Variants in PFKP observed in about 807,000 individuals in gnomAD.
PFKP encodes phosphofructokinase, platelet.
PFKP carries 101 observed loss-of-function variants against 94.3 expected under a neutral mutation model. The ratio of observed to expected loss-of-function variants is 1.07; its 90% CI spans 0.91 to 1.26. PFKP has a LOEUF of 1.26. PFKP is among the 50% of genes most tolerant of loss of function. PFKP has a pLI of 0.00. For missense variants in PFKP, 1,145 were observed against 1,103.3 expected (o/e 1.04, Z -0.53); for synonymous variants, 573 against 432.6 (o/e 1.32, Z -4.03).
chr10:3,120,456 A>G (rs551162480), intron 16 of PFKP, among the ~76,000 whole-genome samples: 46 of 152,114 alleles, frequency 3.0e-4, no homozygotes, highest in African/African-American at 8.4e-4. Context: ...CCCTGCCTTG[A>G]TGCTGAGGGT....
chr10:3,132,884 A>G (rs1396072986), intron 18 of PFKP, among the ~76,000 whole-genome samples: 13 of 148,406 alleles, frequency 8.8e-5, no homozygotes, highest in Admixed American at 6.7e-4. Context: ...GATGCAGGGC[A>G]CAGGGATGAT....
intron 1 of PFKP, among the ~76,000 whole-genome samples, chr10:3,078,589 A>G (rs1343354637): frequency 6.6e-6 from 1 of 152,222 alleles, no homozygotes; most frequent in East Asian, 1.9e-4. Context: ...CAGGCATTGT[A>G]ATAGAGGAAA....
At chr10:3,102,607 T>G (rs1180785353) in intron 4 of PFKP, among the ~76,000 whole-genome samples, 2 of 152,180 alleles carry the variant, frequency 1.3e-5, no homozygotes, top group Admixed American at 1.3e-4. Flanking sequence ...TTATTTTTTA[T>G]TTTTAGTAGA....
intron 4 of PFKP, among the ~76,000 whole-genome samples, chr10:3,101,989 C>T (rs941135632): frequency 1.7e-4 from 25 of 150,858 alleles, no homozygotes; most frequent in South Asian, 4.2e-4. Context: ...CGGTGGCTCA[C>T]GCCTGTAATC....
chr10:3,126,105 C>A (rs1051506853), intron 16 of PFKP, among the ~76,000 whole-genome samples: 2 of 152,362 alleles, frequency 1.3e-5, no homozygotes, highest in Non-Finnish European at 2.9e-5. Flanking sequence ...CCCAGTCCTG[C>A]TGGAGACTCC....
chr10:3,091,891 A>G (rs11251711), intron 2 of PFKP, among the ~76,000 whole-genome samples: 13,746 of 152,302 alleles, frequency 0.09, 1,020 homozygotes, highest in East Asian at 0.3. Flanking sequence ...TCTTTGTCAT[A>G]GTCCACACCC....
chr10:3,083,805 C>A (rs1030965352), intron 2 of PFKP, among the ~76,000 whole-genome samples: 1 of 152,158 alleles, frequency 6.6e-6, no homozygotes, highest in Non-Finnish European at 1.5e-5. Context: ...CCATGCCCAG[C>A]TAATTTTTGT....
rs1311916980 is a variant in PFKP at position 3,136,697 on chromosome 10, GCCCATCTGC to G, written c.*123_*131del. 1.9e-6 allele frequency: 2 copies of G among 1,072,508 alleles called. No homozygotes were observed. Among genetic ancestry groups the G allele is most frequent in the African/African-American group, 3.1e-5 (2 of 64,508 alleles). The allele number at this position is 1,072,508 out of a possible 1,614,324, so 66.4% of individuals were successfully genotyped here. ...TGACATTAATACCTAATCGGCGAGT[GCCCATCTGC>G]CCCACCTGCTCCAGTGCGTGCTGTC... On this transcript the variant is annotated 3_prime_UTR_variant, in exon 22 of 22. Transcript: ENST00000381125.
In PFKP at chr10:3,135,779, A is replaced by ATTCCC; in HGVS notation, c.2166_2167insTTCCC (p.Ser723PhefsTer15). 1 of 1,613,738 alleles carries ATTCCC rather than the reference A, an allele frequency of 6.2e-7. No individual in the cohort carries two copies. Among genetic ancestry groups the ATTCCC allele is most frequent in the Non-Finnish European group, 8.5e-7 (1 of 1,179,656 alleles). On this transcript the variant is annotated frameshift_variant, in exon 21 of 22. Coordinates refer to ENST00000381125, the MANE Select transcript of PFKP (RefSeq NM_002627.5). LOFTEE classifies it high-confidence loss of function. ...ATGATTCCATTTGTGTGCTGGGAAT[A>ATTCCC]AGCAAAAGAAACGTTATTTTTCAAC...
chr10:3,074,612 C>A (rs1471201355), intron 1 of PFKP, among the ~76,000 whole-genome samples: 2 of 152,130 alleles, frequency 1.3e-5, no homozygotes, highest in Non-Finnish European at 2.9e-5. Context: ...CCAAGGGGAC[C>A]CAGAGACTTG....
At chr10:3,078,676 C>T (rs1049660316) in intron 1 of PFKP, among the ~76,000 whole-genome samples, 1 of 152,182 alleles carries the variant, frequency 6.6e-6, no homozygotes, top group South Asian at 2.1e-4. Context: ...ATGTTGTTAC[C>T]TTCCAGTAAT....
intron 18 of PFKP, 33 bp downstream of exon 18, chr10:3,132,474 C>G: frequency 2.1e-6 from 3 of 1,410,964 alleles, no homozygotes; most frequent in Non-Finnish European, 3.0e-6. Flanking sequence ...TGATCTTACC[C>G]TCACCGCCAC....
intron 2 of PFKP, among the ~76,000 whole-genome samples, chr10:3,086,629 A>C (rs1362724095): frequency 6.6e-6 from 1 of 152,138 alleles, no homozygotes; most frequent in Non-Finnish European, 1.5e-5. Flanking sequence ...GGTAGAAACA[A>C]GGCCGAGGGA....
chr10:3,097,204 C>A (rs1455114626), intron 2 of PFKP, among the ~76,000 whole-genome samples: 6 of 151,516 alleles, frequency 4.0e-5, no homozygotes, highest in African/African-American at 9.7e-5. Flanking sequence ...ATTGTACTTA[C>A]AATATTCTGA....
chr10:3,080,485 C>A (rs373439356), intron 1 of PFKP, among the ~76,000 whole-genome samples: 1 of 137,210 alleles, frequency 7.3e-6, no homozygotes, highest in Non-Finnish European at 1.5e-5. Context: ...CCACTGCACT[C>A]CAGCCTGGGA....
At chr10:3,121,803 CTTTTTTTTTTTTTTTTTT>C (rs759926178) in intron 16 of PFKP, among the ~76,000 whole-genome samples, 4 of 32,624 alleles carry the variant, frequency 1.2e-4, no homozygotes, top group African/African-American at 4.2e-4. Context: ...CTTTTTTTTT[CTTTTTTTTTTTTTTTTTT>C]TTTTTTTTTC....
chr10:3,100,324 A>G (rs59204838), intron 3 of PFKP, among the ~76,000 whole-genome samples: 10,267 of 152,022 alleles, frequency 0.068, 793 homozygotes, highest in African/African-American at 0.19. Flanking sequence ...GTTGGGTTGT[A>G]AATGGTCTCG....
chr10:3,100,798 T>A (rs557699338), intron 3 of PFKP: 3 of 597,534 alleles, frequency 5.0e-6, no homozygotes, highest in South Asian at 2.2e-5. Flanking sequence ...CCCTGGAAGT[T>A]TGGATGAAAG....
At chr10:3,082,587 A>G in intron 2 of PFKP, 126 bp downstream of exon 2, 1 of 539,450 alleles carries the variant, frequency 1.9e-6, no homozygotes, top group Non-Finnish European at 3.1e-6. Flanking sequence ...CAGGGGAGCA[A>G]GATCCTGCCA....
Sources: allele counts gnomAD v4.1 joint callset (sites outside exome capture counted in the v4.1 genomes callset), GRCh38; gene constraint gnomAD v4.1.1; transcripts MANE v1.5; gene names NCBI Gene and HGNC (gene_info 2026-07-23, HGNC 2026-07-21).